Variants in FKBP11 observed in about 807,000 individuals in gnomAD.
FKBP11 encodes FKBP prolyl isomerase 11, also known as peptidyl-prolyl cis-trans isomerase FKBP11.
FKBP11 carries 21 observed loss-of-function variants against 24.7 expected under a neutral mutation model. That is an observed-to-expected ratio of 0.85 (90% CI 0.60 to 1.23). The LOEUF is 1.23. Among genes scored for constraint, FKBP11 ranks in the 50% most tolerant of loss-of-function variants. The probability of loss-of-function intolerance (pLI) is 0.00; values close to 1 mark genes in which losing one functional copy is unlikely to be tolerated. For missense variants in FKBP11, 245 were observed against 248.7 expected (o/e 0.99, Z 0.10); for synonymous variants, 106 against 100.6 (o/e 1.05, Z -0.32).
upstream of FKBP11, among the ~76,000 whole-genome samples, chr12:48,930,396 C>G (rs4237854): frequency 0.33 from 49,759 of 152,150 alleles, 9,154 homozygotes; most frequent in Admixed American, 0.47. Context: ...AGAGTAAGGG[C>G]AATGTCCCAC....
At chr12:48,937,578 C>T in the FKBP11 span, 2 of 152,386 alleles carry the variant, frequency 1.3e-5, no homozygotes, top group Non-Finnish European at 2.9e-5. Context: ...ACCCCCAGAT[C>T]CATTTATGAG....
the FKBP11 span, chr12:48,931,526 G>A: frequency 2.7e-6 from 4 of 1,478,110 alleles, no homozygotes; most frequent in Non-Finnish European, 2.7e-6. Context: ...GGAAAGATAG[G>A]AGAGTTGGCC....
the FKBP11 span, among the ~76,000 whole-genome samples, chr12:48,932,484 A>G: frequency 6.6e-6 from 1 of 151,092 alleles, no homozygotes; most frequent in African/African-American, 2.4e-5. Flanking sequence ...GTTTATGCAT[A>G]TATTCATCCA....
intron 5 of FKBP11, chr12:48,922,902 A>G: frequency 9.4e-7 from 1 of 1,067,522 alleles, no homozygotes; most frequent in South Asian, 2.3e-5. Flanking sequence ...TAATCCCCGC[A>G]CTTTGGGAAG....
upstream of FKBP11, among the ~76,000 whole-genome samples, chr12:48,928,043 C>CTTTTTTTTTTT (rs34076093): frequency 2.3e-5 from 2 of 88,466 alleles, no homozygotes; most frequent in Non-Finnish European, 2.0e-5. Context: ...TGCCAGATAC[C>CTTTTTTTTTTT]TTTTTTTTTT....
At chr12:48,925,560 C>T, upstream of FKBP11, 4 of 1,135,378 alleles carry the variant, frequency 3.5e-6, no homozygotes, top group Admixed American at 2.7e-5. Flanking sequence ...AGCTCCTCCT[C>T]CTGCAGCCCT....
upstream of FKBP11, among the ~76,000 whole-genome samples, chr12:48,930,231 G>A (rs1425473938): frequency 6.6e-6 from 1 of 152,144 alleles, no homozygotes; most frequent in Non-Finnish European, 1.5e-5. Context: ...TATACCCTAA[G>A]TAAAAAAGCA....
In FKBP11 at chr12:48,922,874, C is replaced by T. The variant is rs900506205; in HGVS notation, c.389-673G>A. 14 of 1,035,438 alleles carry T rather than the reference C, an allele frequency of 1.4e-5. No individual in the cohort carries two copies. In the African/African-American group the frequency reaches 2.1e-4, roughly 15 times the overall value. The allele number at this position is 1,035,438 out of a possible 1,614,324, so 64.1% of individuals were successfully genotyped here. The stretch of plus-strand genomic sequence containing the variant: ...ATAAGAATTAACGAGCCCAGCCAGG[C>T]GCGGTGGCTCATGCCTGTAATCCCC... On this transcript the variant is annotated intron_variant, in intron 5 of 5. Transcript: ENST00000550765.
chr12:48,924,696 C>G, intron 2 of FKBP11, 48 bp from the exon 3 acceptor site: 1 of 1,600,308 alleles, frequency 6.2e-7, no homozygotes, highest in East Asian at 2.2e-5. Flanking sequence ...CCTCTCCCTC[C>G]CAGCAGGCGC....
At chr12:48,936,235 C>G in the FKBP11 span, 1 of 152,628 alleles carries the variant, frequency 6.6e-6, no homozygotes, top group Non-Finnish European at 1.5e-5. Context: ...AATTTCCAAC[C>G]AGGGTCACAG....
At chr12:48,923,490 G>T in intron 5 of FKBP11, 1 of 1,550,346 alleles carries the variant, frequency 6.5e-7, no homozygotes. Context: ...CCAGTGTTCT[G>T]GGAAAGGTGG....
chr12:48,925,139 T>G, intron 1 of FKBP11, 28 bp from the exon 2 acceptor site: 1 of 1,610,926 alleles, frequency 6.2e-7, no homozygotes, highest in Non-Finnish European at 8.5e-7. Flanking sequence ...GGGTCACGGA[T>G]GCTCTTCCAA....
At chr12:48,926,858 G>A (rs1939978687), upstream of FKBP11, among the ~76,000 whole-genome samples, 6 of 151,990 alleles carry the variant, frequency 3.9e-5, no homozygotes, top group Admixed American at 3.9e-4. Context: ...CGCCCAGGCT[G>A]GAGTGCAATG....
At chr12:48,931,698 T>G in the FKBP11 span, 1 of 520,756 alleles carries the variant, frequency 1.9e-6, no homozygotes, top group Non-Finnish European at 3.4e-6. Flanking sequence ...AAGACAATGG[T>G]GTTTATTAAT....
In FKBP11 at chr12:48,922,064, G is replaced by C. The variant is rs1202205606; in HGVS notation, c.526C>G (p.Leu176Val). The C allele has an allele frequency of 6.2e-7, 1 of 1,614,092 alleles. No homozygotes were observed. Among genetic ancestry groups the C allele is most frequent in the South Asian group, 1.1e-5 (1 of 91,070 alleles). The change falls in exon 6 of 6, where the codon CTA (leucine) becomes GTA (valine). Residue 176 changes from leucine to valine, a missense_variant. Physicochemically the swap from Leu to Val is conservative, Grantham distance 32 (BLOSUM62 1). Coordinates refer to ENST00000550765, the MANE Select transcript of FKBP11 (RefSeq NM_016594.3). ...TTGGGTCTATTGGCCTTTCTGTATAGGTGATACCCAATGAGGCCCAGGAGG... is the reference window on the plus strand; with the variant it reads ...TTGGGTCTATTGGCCTTTCTGTATACGTGATACCCAATGAGGCCCAGGAGG... The part of the protein sequence containing the change: ...PALLGLIGYH[L>V]YRKANRPKVS...
chr12:48,928,599 C>T (rs927797371), upstream of FKBP11, among the ~76,000 whole-genome samples: 90 of 152,190 alleles, frequency 5.9e-4, 1 homozygote, highest in Admixed American at 4.5e-3. Context: ...CCTGTTTCAG[C>T]CTCCAGAGTA....
chr12:48,938,136 A>G, the FKBP11 span: 3 of 330,668 alleles, frequency 9.1e-6, no homozygotes, highest in Non-Finnish European at 1.8e-5. Flanking sequence ...GGCAGAGCAG[A>G]GTGGCATCTC....
the FKBP11 span, among the ~76,000 whole-genome samples, chr12:48,934,133 C>T: frequency 1.3e-5 from 2 of 152,294 alleles, no homozygotes; most frequent in Non-Finnish European, 2.9e-5. Context: ...CCAACCTAGG[C>T]GCTTGAACTG....
the FKBP11 span, chr12:48,938,918 T>C: frequency 6.2e-7 from 1 of 1,602,296 alleles, no homozygotes; most frequent in Admixed American, 1.7e-5. Context: ...CAGGGGTGGG[T>C]GGGGTGCTTT....
Sources: allele counts gnomAD v4.1 joint callset (sites outside exome capture counted in the v4.1 genomes callset), GRCh38; gene constraint gnomAD v4.1.1; transcripts MANE v1.5; gene names NCBI Gene and HGNC (gene_info 2026-07-23, HGNC 2026-07-21).